The following SLC39A8 variants were observed in gnomAD, a reference collection of about 807,000 sequenced individuals.
SLC39A8 encodes the protein solute carrier family 39 member 8.
Under a neutral mutation model 40.4 loss-of-function variants are expected in SLC39A8, and 15 were observed. That is an observed-to-expected ratio of 0.37 (90% CI 0.25 to 0.57). The LOEUF (loss-of-function observed/expected upper bound fraction) is 0.57, where lower values mean the gene tolerates loss of function less well. Ranked by LOEUF, SLC39A8 falls within the 20% of genes least tolerant of loss-of-function variation. SLC39A8 has a pLI of 0.75. For synonymous variants in SLC39A8, 223 were observed against 221.6 expected (o/e 1.01, Z -0.06); for missense variants, 472 against 558.8 (o/e 0.84, Z 1.57).
intron 6 of SLC39A8, among the ~76,000 whole-genome samples, chr4:102,274,452 T>C (rs1401967200): frequency 1.3e-5 from 2 of 152,080 alleles, no homozygotes. Flanking sequence ...TGGGACTATG[T>C]GAAAAGACCA....
At chr4:102,328,747 C>T (rs898153304) in intron 2 of SLC39A8, among the ~76,000 whole-genome samples, 18 of 152,166 alleles carry the variant, frequency 1.2e-4, no homozygotes, top group African/African-American at 3.9e-4. Flanking sequence ...CTGCAGGGGC[C>T]GGGCACGGTG....
intron 6 of SLC39A8, among the ~76,000 whole-genome samples, chr4:102,294,020 A>C (rs918113768): frequency 6.6e-6 from 1 of 151,994 alleles, no homozygotes; most frequent in Non-Finnish European, 1.5e-5. Flanking sequence ...TCAGCAAAAG[A>C]AGCGAGGATA....
intron 6 of SLC39A8, among the ~76,000 whole-genome samples, chr4:102,292,027 A>C (rs185551209): frequency 6.6e-6 from 1 of 152,142 alleles, no homozygotes; most frequent in Admixed American, 6.6e-5. Flanking sequence ...AGAATGTTTG[A>C]TACCAGAGGC....
chr4:102,316,124 G>A (rs941561287), intron 2 of SLC39A8, among the ~76,000 whole-genome samples: 1 of 152,096 alleles, frequency 6.6e-6, no homozygotes, highest in African/African-American at 2.4e-5. Context: ...AAATAGGGGT[G>A]CACCAACACC....
chr4:102,317,260 A>G (rs1211253325), intron 2 of SLC39A8, among the ~76,000 whole-genome samples: 1 of 152,178 alleles, frequency 6.6e-6, no homozygotes, highest in Non-Finnish European at 1.5e-5. Flanking sequence ...AAAAATGAAA[A>G]AACATCAAAT....
At chr4:102,294,190 C>T (rs389974) in intron 6 of SLC39A8, among the ~76,000 whole-genome samples, 121,619 of 151,894 alleles carry the variant, frequency 0.8, 49,575 homozygotes, top group African/African-American at 0.95. Context: ...AATTAACATC[C>T]AGAATATATG....
In SLC39A8 at chr4:102,267,171, A is replaced by C. The variant is rs923296627; in HGVS notation, c.1233+319T>G. On this transcript the variant is annotated intron_variant, in intron 8 of 8. Transcript: ENST00000356736. ...AAAGGAGAAAAAGTCCTATAGGGACATACTATAACATAAGACAAGATGTAC... is the reference window on the plus strand; with the variant it reads ...AAAGGAGAAAAAGTCCTATAGGGACCTACTATAACATAAGACAAGATGTAC... 4.6e-5 allele frequency among the ~76,000 whole-genome samples: 7 copies of C among 152,218 alleles called. No individual in the cohort carries two copies. The East Asian group carries it at 1.3e-3, about 29-fold the overall frequency.
rs867863404 is a variant in SLC39A8 at position 102,272,167 on chromosome 4, G to A, written c.841-4088C>T. On this transcript the variant is annotated intron_variant, in intron 6 of 8. Coordinates refer to ENST00000356736, the MANE Select transcript of SLC39A8 (RefSeq NM_001135146.2). ...AACCTGAACAACATAACTAGACCTC[G>A]TCTATACAAAAAATATATTACTTTG... Among the ~76,000 whole-genome samples, 42 of 152,052 alleles carry A rather than the reference G, an allele frequency of 2.8e-4. 1 individual carries two copies. Among genetic ancestry groups the A allele is most frequent in the Middle Eastern group, 3.4e-3 (1 of 292 alleles).
intron 2 of SLC39A8, among the ~76,000 whole-genome samples, chr4:102,329,717 C>T (rs1735366257): frequency 1.3e-5 from 2 of 151,536 alleles, no homozygotes; most frequent in Admixed American, 1.3e-4. Flanking sequence ...CCCAAATCAA[C>T]AGAATATACA....
At position 102,263,006 on chromosome 4, in the gene SLC39A8, T is replaced by C; in HGVS notation, c.*38A>G. 2 of 1,570,640 alleles carry C rather than the reference T, an allele frequency of 1.3e-6. No individual in the cohort carries two copies. Among genetic ancestry groups the C allele is most frequent in the Non-Finnish European group, 1.7e-6 (2 of 1,156,964 alleles). On this transcript the variant is annotated 3_prime_UTR_variant, in exon 9 of 9. Transcript: ENST00000356736. Reference sequence around the variant, plus strand: ...CCTTTTTGGAGATGTTTTTATCTATTAAATGCCTTTATTAACAACACCATC... The same window carrying C: ...CCTTTTTGGAGATGTTTTTATCTATCAAATGCCTTTATTAACAACACCATC...
At chr4:102,331,041 G>A (rs554156728) in intron 2 of SLC39A8, among the ~76,000 whole-genome samples, 14 of 152,230 alleles carry the variant, frequency 9.2e-5, no homozygotes, top group African/African-American at 3.4e-4. Context: ...AATAAGAGCT[G>A]CTTATGACAA....
chr4:102,340,063 T>C (rs1354650392), intron 2 of SLC39A8, among the ~76,000 whole-genome samples: 1 of 152,214 alleles, frequency 6.6e-6, no homozygotes, highest in Non-Finnish European at 1.5e-5. Context: ...ATTATAATTA[T>C]ATGTGCATAT....
At chr4:102,337,174 T>C (rs947604746) in intron 2 of SLC39A8, among the ~76,000 whole-genome samples, 5 of 151,702 alleles carry the variant, frequency 3.3e-5, no homozygotes, top group East Asian at 1.9e-4. Context: ...TCCATTTCTA[T>C]TTATATTCCT....
intron 2 of SLC39A8, among the ~76,000 whole-genome samples, chr4:102,319,958 C>A (rs1014294555): frequency 2.6e-5 from 4 of 151,372 alleles, no homozygotes; most frequent in Non-Finnish European, 2.9e-5. Flanking sequence ...TTTCCTTCCT[C>A]ACTGCTTGAA....
intron 6 of SLC39A8, among the ~76,000 whole-genome samples, chr4:102,295,145 ATG>A (rs1229817244): frequency 4.1e-5 from 6 of 148,020 alleles, no homozygotes; most frequent in South Asian, 2.1e-4. Context: ...AACTTTATAT[ATG>A]TGTTTATATG....
chr4:102,315,776 T>C lies in SLC39A8; in HGVS notation c.274A>G (p.Ile92Val). 1 of 1,613,354 alleles carries C rather than the reference T, an allele frequency of 6.2e-7. No individual in the cohort carries two copies. Among genetic ancestry groups the C allele is most frequent in the Non-Finnish European group, 8.5e-7 (1 of 1,179,556 alleles). Reference sequence around the variant, plus strand: ...ATGACAGAGAATTTGGAGCTGGTTATTTGGGTAGCATTTGAAAAGCCATGA... The same window carrying C: ...ATGACAGAGAATTTGGAGCTGGTTACTTGGGTAGCATTTGAAAAGCCATGA... ...SLHGFSNATQITSSKFSVICP... is the reference protein window; with the variant it reads ...SLHGFSNATQVTSSKFSVICP... Residue 92 changes from isoleucine (I) to valine (V), a missense_variant, in exon 3 of 9, where the codon ATA becomes GTA. This residue lies in a region of SLC39A8 where 175 missense variants were observed against 160.5 expected (regional missense o/e 1.09). Transcript: ENST00000356736.
chr4:102,284,995 C>T (rs17824524), intron 6 of SLC39A8, among the ~76,000 whole-genome samples: 13,234 of 152,094 alleles, frequency 0.087, 625 homozygotes, highest in South Asian at 0.17. Context: ...TGCTGCTAAA[C>T]GTTTCTGACT....
At chr4:102,308,466 C>G (rs1734285803) in intron 3 of SLC39A8, among the ~76,000 whole-genome samples, 1 of 152,042 alleles carries the variant, frequency 6.6e-6, no homozygotes, top group East Asian at 1.9e-4. Context: ...CATGTGTGAC[C>G]TATTGCCTTT....
At chr4:102,341,156 G>C (rs1176411758) in intron 2 of SLC39A8, among the ~76,000 whole-genome samples, 1 of 152,074 alleles carries the variant, frequency 6.6e-6, no homozygotes, top group African/African-American at 2.4e-5. Context: ...AACAGAACTT[G>C]GTTACCAGTA....
Sources: gnomAD v4.1 joint callset for allele counts (sites outside exome capture counted in the v4.1 genomes callset) on GRCh38, gnomAD v4.1.1 for gene constraint, gnomAD v4.1.1 regional missense constraint, MANE v1.5 for transcripts, NCBI Gene and HGNC (gene_info 2026-07-23, HGNC 2026-07-21) for gene names.